ARPC4: variants seen among roughly 807,000 people sequenced by gnomAD.
ARPC4 encodes the protein actin related protein 2/3 complex subunit 4.
A neutral mutation model predicts 22.8 loss-of-function variants in ARPC4; 3 were observed. The ratio of observed to expected loss-of-function variants is 0.13; its 90% CI spans 0.06 to 0.34. The LOEUF is 0.34. Ranked by LOEUF, ARPC4 falls within the 10% of genes least tolerant of loss-of-function variation. The probability of loss-of-function intolerance (pLI) is 1.00; values close to 1 mark genes in which losing one functional copy is unlikely to be tolerated. For synonymous variants in ARPC4, 80 were observed against 72.5 expected (o/e 1.10, Z -0.52); for missense variants, 98 against 211.0 (o/e 0.46, Z 3.32).
At chr3:9,800,354 T>C in intron 3 of ARPC4, 58 bp downstream of exon 3, 2 of 1,561,018 alleles carry the variant, frequency 1.3e-6, no homozygotes, top group Admixed American at 1.7e-5. Flanking sequence ...TTCAGCCTCT[T>C]TCAGTCCGGG....
Position 9,800,222 on chromosome 3 carries a change from A to G in ARPC4, c.160A>G (p.Ser54Gly). The G allele has an allele frequency of 6.2e-7, 1 of 1,614,148 alleles. No individual in the cohort carries two copies. The highest frequency in any genetic ancestry group is 8.5e-7 in the Non-Finnish European group (1 of 1,180,022). Residue 54 changes from serine (S) to glycine (G), a missense_variant, in exon 3 of 6, where the codon AGC becomes GGC. Physicochemically the swap from Ser to Gly is moderately conservative, Grantham distance 56. Coordinates refer to ENST00000397261, the MANE Select transcript of ARPC4 (RefSeq NM_005718.5). ...KELLLQPVTI[S>G]RNEKEKVLIE... The stretch of plus-strand genomic sequence containing the variant: ...GCTCCTGTTACAACCTGTGACCATC[A>G]GCAGGAATGAGAAGGAAAAGGTTCT...
intron 3 of ARPC4, 36 bp from the exon 4 acceptor site, chr3:9,801,625 A>G: frequency 6.4e-7 from 1 of 1,565,424 alleles, no homozygotes; most frequent in Non-Finnish European, 8.7e-7. Context: ...CTTGGGTGTC[A>G]GCTTTAGAGA....
At chr3:9,799,266 G>A (rs963512963) in intron 2 of ARPC4, among the ~76,000 whole-genome samples, 1 of 152,086 alleles carries the variant, frequency 6.6e-6, no homozygotes, top group African/African-American at 2.4e-5. Context: ...TTCCTAAATG[G>A]TATATTGGTT....
upstream of ARPC4, chr3:9,792,752 G>T: frequency 8.0e-7 from 1 of 1,243,470 alleles, no homozygotes; most frequent in Non-Finnish European, 1.0e-6. Flanking sequence ...CGGAAGAAAC[G>T]AAGGGCTCGT....
Position 9,802,074 on chromosome 3 carries a change from A to T in ARPC4, c.330+318A>T, listed in dbSNP as rs936939333. Among the ~76,000 whole-genome samples the T allele has an allele frequency of 2.0e-5, 3 of 151,752 alleles. No homozygotes were observed. The East Asian group carries it at 5.9e-4, about 30-fold the overall frequency. ...GCCAACATGGTGAAACCCCATCTCT[A>T]TTAAAAATACAAAAATTAGCTGGGC... is the stretch of plus-strand genomic sequence containing the variant. On this transcript the variant is annotated intron_variant, in intron 4 of 5. Transcript: ENST00000397261.
At chr3:9,799,906 T>C (rs975810965) in intron 2 of ARPC4, 3 of 564,446 alleles carry the variant, frequency 5.3e-6, no homozygotes, top group Non-Finnish European at 1.0e-5. Flanking sequence ...GGAATCAGAG[T>C]CATTTTACAG....
chr3:9,797,979 A>G, intron 2 of ARPC4: 2 of 577,990 alleles, frequency 3.5e-6, no homozygotes, highest in East Asian at 6.0e-5. Context: ...ACCCAGGGGA[A>G]AAGACAAGAT....
chr3:9,799,445 G>GTT (rs774857112), intron 2 of ARPC4, among the ~76,000 whole-genome samples: 13 of 142,060 alleles, frequency 9.2e-5, no homozygotes, highest in East Asian at 2.0e-4. Flanking sequence ...AAACTTTCAG[G>GTT]TTTTTTTTTT....
upstream of ARPC4, chr3:9,792,580 G>A: frequency 8.1e-7 from 1 of 1,229,386 alleles, no homozygotes; most frequent in Non-Finnish European, 1.0e-6. Context: ...GAGCAAAGCC[G>A]CTAGAGGTGG....
chr3:9,796,081 G>C (rs1264356365), intron 1 of ARPC4, among the ~76,000 whole-genome samples: 1 of 151,716 alleles, frequency 6.6e-6, no homozygotes, highest in East Asian at 1.9e-4. Flanking sequence ...GGACAACAGA[G>C]TAAGACTCTG....
At chr3:9,792,972 G>C (rs1005777087), upstream of ARPC4, 24 of 1,423,208 alleles carry the variant, frequency 1.7e-5, no homozygotes, top group Non-Finnish European at 2.1e-5. Context: ...AGGCCCAAGC[G>C]TTCGTAAGGG....
At position 9,799,698 on chromosome 3, in the gene ARPC4, C is replaced by T. The variant is rs186336585; in HGVS notation, c.123-487C>T. The stretch of plus-strand genomic sequence containing the variant: ...CCTCAGGTGATCCACCAGCCTCAGC[C>T]TCTCAAAGTGCTGGGATTACAGGCA... On this transcript the variant is annotated intron_variant, in intron 2 of 5. Transcript: ENST00000397261. Among the ~76,000 whole-genome samples, 310 of 152,328 alleles carry T rather than the reference C, an allele frequency of 2.0e-3. 1 individual carries two copies. Among genetic ancestry groups the T allele is most frequent in the Non-Finnish European group, 3.3e-3 (225 of 68,034 alleles).
At chr3:9,798,212 C>T (rs914420305) in intron 2 of ARPC4, 1 of 154,590 alleles carries the variant, frequency 6.5e-6, no homozygotes, top group East Asian at 1.9e-4. Flanking sequence ...CTCTGACCCC[C>T]TAATCCAAAT....
rs755744771 is a variant in ARPC4 at position 9,806,224 on chromosome 3, G to A, written c.*9G>A. 1 of 1,613,748 alleles carries A rather than the reference G, an allele frequency of 6.2e-7. No individual in the cohort carries two copies. Among genetic ancestry groups the A allele is most frequent in the African/African-American group, 1.3e-5 (1 of 74,916 alleles). ...TCTCTTGACAGTTTTAAACCATCTG[G>A]CTGGATCTCGTGGCCTTCCCCCTCA... On this transcript the variant is annotated 3_prime_UTR_variant, in exon 6 of 6. Transcript: ENST00000397261.
rs538957832 is a variant in ARPC4 at position 9,799,423 on chromosome 3, G to C, written c.123-762G>C. Reference sequence around the variant, plus strand: ...AATGAGGATCTCCTTTGAGCATCTTGTCAGCACTCGGAAACTTTCAGGTTT... The same window carrying C: ...AATGAGGATCTCCTTTGAGCATCTTCTCAGCACTCGGAAACTTTCAGGTTT... On this transcript the variant is annotated intron_variant, in intron 2 of 5. Transcript: ENST00000397261. 3.3e-5 allele frequency among the ~76,000 whole-genome samples: 5 copies of C among 151,564 alleles called. No individual in the cohort carries two copies. In the South Asian group the frequency reaches 1.0e-3, roughly 32 times the overall value.
chr3:9,803,532 T>G, intron 4 of ARPC4: 1 of 513,910 alleles, frequency 1.9e-6, no homozygotes, highest in Non-Finnish European at 3.8e-6. Context: ...TGTTGTTTGA[T>G]TAGATTATTC....
chr3:9,800,349 C>A lies in ARPC4; in HGVS notation c.234+53C>A, dbSNP rs1164012497. 12 of 1,569,010 alleles carry A rather than the reference C, an allele frequency of 7.6e-6. No individual in the cohort carries two copies. The Admixed American group carries it at 2.0e-4, about 27-fold the overall frequency. On this transcript the variant is annotated intron_variant, in intron 3 of 5. Coordinates refer to ENST00000397261, the MANE Select transcript of ARPC4 (RefSeq NM_005718.5). ...GTAAGGCCTCTTTCAGTCCTTTCAGCCTCTTTCAGTCCGGGGTCCCCATCT... is the reference window on the plus strand; with the variant it reads ...GTAAGGCCTCTTTCAGTCCTTTCAGACTCTTTCAGTCCGGGGTCCCCATCT...
rs767818616 is a variant in ARPC4 at position 9,803,845 on chromosome 3, G to T, written c.333G>T (p.Gly111=). ...FFILRRKPVE[G]YDISFLITNF... ...CTCCCTACTGTCTTCTTCCCTAGGG[G>T]TATGATATCAGCTTTCTGATCACCA... The change falls in exon 5 of 6, where the codon GGG becomes GGT. Residue 111 remains glycine (G), a splice_region_variant and synonymous_variant. Coordinates refer to ENST00000397261, the MANE Select transcript of ARPC4 (RefSeq NM_005718.5). The T allele has an allele frequency of 1.9e-6, 3 of 1,613,882 alleles. No homozygotes were observed. Among genetic ancestry groups the T allele is most frequent in the Middle Eastern group, 1.7e-4 (1 of 6,060 alleles).
chr3:9,795,645 T>A (rs1050921878), intron 1 of ARPC4, among the ~76,000 whole-genome samples: 3 of 152,226 alleles, frequency 2.0e-5, no homozygotes, highest in Non-Finnish European at 4.4e-5. Flanking sequence ...ACTCTAATCT[T>A]AATTATTTCT....
Sources: gnomAD v4.1 joint callset for allele counts (sites outside exome capture counted in the v4.1 genomes callset) on GRCh38, gnomAD v4.1.1 for gene constraint, MANE v1.5 for transcripts, NCBI Gene and HGNC (gene_info 2026-07-23, HGNC 2026-07-21) for gene names.